Variants in KLC1 observed in about 807,000 individuals in gnomAD.
The protein encoded by KLC1 is kinesin 2 60/70kDa.
A neutral mutation model predicts 84.2 loss-of-function variants in KLC1; 30 were observed. The observed-to-expected ratio is 0.36, with a 90% CI of 0.27 to 0.48. The LOEUF is 0.48. KLC1 is among the 20% of genes least tolerant of loss of function. KLC1 has a pLI of 0.99. For missense variants in KLC1, 499 were observed against 805.4 expected (o/e 0.62, Z 4.60); for synonymous variants, 289 against 293.3 (o/e 0.99, Z 0.15).
Position 103,679,434 on chromosome 14 carries a change from T to C in KLC1, c.1539T>C (p.Pro513=). Residue 513 remains proline (P), a synonymous_variant, in exon 13 of 17, where the codon CCT becomes CCC. Transcript: ENST00000334553. ...KQRVAEVLND[P]ENMEKRRSRE... Reference sequence around the variant, plus strand: ...GGGTGGCAGAAGTGCTCAATGACCCTGAGAACATGGAGAAGCGCAGGAGCC... The same window carrying C: ...GGGTGGCAGAAGTGCTCAATGACCCCGAGAACATGGAGAAGCGCAGGAGCC... 1 of 1,614,070 alleles carries C rather than the reference T, an allele frequency of 6.2e-7. No individual in the cohort carries two copies. Among genetic ancestry groups the C allele is most frequent in the Non-Finnish European group, 8.5e-7 (1 of 1,180,008 alleles).
intron 5 of KLC1, 61 bp downstream of exon 5, chr14:103,662,988 C>A (rs932098472): frequency 1.1e-5 from 12 of 1,139,496 alleles, no homozygotes; most frequent in African/African-American, 1.6e-5. Context: ...AACCATCTTG[C>A]CCCTTAAAAT....
Position 103,662,941 on chromosome 14 carries a change from G to T in KLC1, c.797+14G>T. ...CTTGGTGTACAGGCTAGTCACTTTT[G>T]TTTACCTACTGAATTTTACCTAGAG... On this transcript the variant is annotated intron_variant, in intron 5 of 16. Transcript: ENST00000334553. 1 of 1,566,442 alleles carries T rather than the reference G, an allele frequency of 6.4e-7. No homozygotes were observed. The highest frequency in any genetic ancestry group is 8.7e-7 in the Non-Finnish European group (1 of 1,152,416).
chr14:103,638,137 A>G (rs571579685), intron 1 of KLC1, among the ~76,000 whole-genome samples: 1 of 152,134 alleles, frequency 6.6e-6, no homozygotes, highest in Non-Finnish European at 1.5e-5. Context: ...TCTGGCCAGC[A>G]CTGCCAGGGT....
chr14:103,687,247 C>T (rs999849850), intron 14 of KLC1, 36 bp downstream of exon 14: 14 of 1,503,232 alleles, frequency 9.3e-6, no homozygotes, highest in South Asian at 4.9e-5. Context: ...ACTCCCTGCA[C>T]GCCGGCTGCT....
At chr14:103,690,594 C>T (rs1023636633) in intron 14 of KLC1, among the ~76,000 whole-genome samples, 4 of 151,370 alleles carry the variant, frequency 2.6e-5, no homozygotes, top group African/African-American at 7.3e-5. Context: ...TCACAGCCAC[C>T]GTCCTTGGCT....
chr14:103,645,789 G>A (rs1400238681), intron 1 of KLC1, among the ~76,000 whole-genome samples: 4 of 146,482 alleles, frequency 2.7e-5, no homozygotes, highest in Non-Finnish European at 4.5e-5. Context: ...ACAGAGTCTC[G>A]CTCTGTTGCC....
Position 103,700,710 on chromosome 14 carries a change from G to A in KLC1, c.1904G>A (p.Gly635Glu), listed in dbSNP as rs771548345. ...CGKRQQQQWP[G>E]RRHR is the part of the protein sequence containing the mutation. ...AAACGACAGCAGCAGCAGTGGCCTG[G>A]AAGACGCCACCGCTAACGTGAGTCC... The change falls in exon 16 of 17, where the codon GGA becomes GAA. Residue 635 changes from glycine (G) to glutamate (E), a missense_variant. Physicochemically the swap from Gly to Glu is moderately conservative, Grantham distance 98. Around this residue, in one of 3 missense-constraint regions of KLC1, gnomAD observed 167 missense variants for 208.8 expected, o/e 0.80. Transcript: ENST00000334553. The A allele has an allele frequency of 7.5e-6, 12 of 1,602,698 alleles. No homozygotes were observed. The highest frequency in any genetic ancestry group is 2.3e-5 in the East Asian group (1 of 44,062).
rs2081181021 is a variant in KLC1, at chr14:103,679,431, C to T, written c.1536C>T (p.Asp512=). The T allele has an allele frequency of 6.2e-7, 1 of 1,614,066 alleles. No homozygotes were observed. Residue 512 remains aspartate, a synonymous_variant, in exon 13 of 17, where the codon GAC becomes GAT. Coordinates refer to ENST00000334553, the MANE Select transcript of KLC1 (RefSeq NM_001394837.1). The stretch of plus-strand genomic sequence containing the variant: ...AGAGGGTGGCAGAAGTGCTCAATGA[C>T]CCTGAGAACATGGAGAAGCGCAGGA... ...HKQRVAEVLN[D]PENMEKRRSR... is the part of the protein sequence containing the mutation.
chr14:103,635,572 G>A (rs1177647881), intron 1 of KLC1, among the ~76,000 whole-genome samples: 1 of 152,014 alleles, frequency 6.6e-6, no homozygotes, highest in African/African-American at 2.4e-5. Context: ...TGGCCAACAT[G>A]GGTGAAACCT....
At position 103,693,688 on chromosome 14, in the gene KLC1, C is replaced by T; in HGVS notation, c.1848+1263C>T. The T allele has an allele frequency of 2.0e-6, 3 of 1,518,664 alleles. No individual in the cohort carries two copies. Among genetic ancestry groups the T allele is most frequent in the Non-Finnish European group, 2.6e-6 (3 of 1,136,706 alleles). 94.1% of individuals were successfully genotyped at this position (1,518,664 alleles called of 1,614,324 possible). On this transcript the variant is annotated intron_variant, in intron 15 of 16. Coordinates refer to ENST00000334553, the MANE Select transcript of KLC1 (RefSeq NM_001394837.1). This position sits in a 1 kb window ranked among gnomAD's most constrained non-coding sequence, Gnocchi z 5.1. ...CCCGCCCTGCCACGCCCCTCACCGCCCTGCCCGGAGGCGCCAGCCGCACTC... is the reference window on the plus strand; with the variant it reads ...CCCGCCCTGCCACGCCCCTCACCGCTCTGCCCGGAGGCGCCAGCCGCACTC...
chr14:103,692,886 C>T (rs1292895414), intron 15 of KLC1, among the ~76,000 whole-genome samples: 1 of 152,210 alleles, frequency 6.6e-6, no homozygotes, highest in East Asian at 1.9e-4. Flanking sequence ...ACACTAAAAC[C>T]TGAAGCACTC....
At position 103,677,493 on chromosome 14, in the gene KLC1, A is replaced by G. The variant is rs753538496; in HGVS notation, c.1458A>G (p.Leu486=). 32 of 1,613,888 alleles carry G rather than the reference A, an allele frequency of 2.0e-5. No homozygotes were observed. The highest frequency in any genetic ancestry group is 2.5e-5 in the Non-Finnish European group (30 of 1,179,878). The change falls in exon 12 of 17, where the codon TTA becomes TTG. Residue 486 remains leucine (L), a synonymous_variant. Transcript: ENST00000334553. ...GCAAATTTGAAGCTGCAGAAACGTT[A>G]GAAGAAGCTGCTATGAGGTCTCGTA... ...RQGKFEAAET[L]EEAAMRSRKQ...
chr14:103,657,679 A>G lies in KLC1; in HGVS notation c.395A>G (p.Gln132Arg). The G allele has an allele frequency of 6.2e-7, 1 of 1,614,202 alleles. No individual in the cohort carries two copies. Among genetic ancestry groups the G allele is most frequent in the Non-Finnish European group, 8.5e-7 (1 of 1,180,028 alleles). Reference protein sequence around the residue: ...DELANTQQKLQKSEQSVAQLE... With the variant: ...DELANTQQKLRKSEQSVAQLE... ...CTGGCCAACACGCAGCAGAAACTGCAGAAGAGTGAGCAGTCTGTGGCTCAA... is the reference window on the plus strand; with the variant it reads ...CTGGCCAACACGCAGCAGAAACTGCGGAAGAGTGAGCAGTCTGTGGCTCAA... The change falls in exon 3 of 17, where the codon CAG (glutamine) becomes CGG (arginine). Residue 132 changes from glutamine (Q) to arginine (R), a missense_variant. Gln to Arg is a conservative substitution (Grantham distance 43, BLOSUM62 1). Around this residue, in one of 3 missense-constraint regions of KLC1, gnomAD observed 179 missense variants for 264.2 expected, o/e 0.68. Transcript: ENST00000334553.
At chr14:103,676,757 C>T (rs1002334749) in intron 11 of KLC1, among the ~76,000 whole-genome samples, 1 of 152,202 alleles carries the variant, frequency 6.6e-6, no homozygotes. Flanking sequence ...TCTCGAAGTA[C>T]TTATCTATGC....
At chr14:103,632,183 T>C (rs1299258911) in intron 1 of KLC1, among the ~76,000 whole-genome samples, 1 of 151,914 alleles carries the variant, frequency 6.6e-6, no homozygotes, top group African/African-American at 2.4e-5. Flanking sequence ...CCTAGCTCTT[T>C]GGGAGGCCGA....
rs185873255 is a variant in KLC1, at chr14:103,677,650, A to G, written c.1488+127A>G. On this transcript the variant is annotated intron_variant, in intron 12 of 16. Transcript: ENST00000334553. ...GTTGATTATTTTAGTTTGAACAAAT[A>G]AAGTTATATTGTTTAAAAGAGCATG... is the stretch of plus-strand genomic sequence containing the variant. The G allele has an allele frequency of 1.4e-3, 986 of 681,476 alleles. 5 individuals carry two copies. The highest frequency in any genetic ancestry group is 2.0e-3 in the Non-Finnish European group (784 of 395,048). 42.2% of individuals were successfully genotyped at this position (681,476 alleles called of 1,614,324 possible).
chr14:103,653,043 C>T (rs758017075), intron 1 of KLC1, among the ~76,000 whole-genome samples: 9 of 152,168 alleles, frequency 5.9e-5, no homozygotes, highest in East Asian at 1.9e-4. Context: ...CTTCATGCAG[C>T]GTCTGTCAGT....
At chr14:103,699,516 G>C (rs1303525348) in intron 15 of KLC1, 3 of 1,613,172 alleles carry the variant, frequency 1.9e-6, no homozygotes, top group Non-Finnish European at 2.5e-6. Flanking sequence ...ACCACCAGGC[G>C]AGCCATGCCC....
At chr14:103,653,131 G>T (rs925602064) in intron 1 of KLC1, among the ~76,000 whole-genome samples, 13 of 152,118 alleles carry the variant, frequency 8.5e-5, no homozygotes, top group Admixed American at 8.5e-4. Flanking sequence ...TCAAGTCCCT[G>T]CCTTTTTTCT....
Sources: gnomAD v4.1 joint callset for allele counts (sites outside exome capture counted in the v4.1 genomes callset) on GRCh38, gnomAD v4.1.1 for gene constraint, gnomAD v4.1.1 regional missense constraint, Gnocchi (gnomAD v3.1) non-coding constraint, MANE v1.5 for transcripts, NCBI Gene and HGNC (gene_info 2026-07-23, HGNC 2026-07-21) for gene names.